The following CCDC171 variants were observed in gnomAD, a reference collection of about 807,000 sequenced individuals.
CCDC171 encodes coiled-coil domain containing 171.
CCDC171 carries 177 observed loss-of-function variants against 168.2 expected under a neutral mutation model. The ratio of observed to expected loss-of-function variants is 1.05; its 90% confidence interval spans 0.93 to 1.19. The LOEUF (loss-of-function observed/expected upper bound fraction) is 1.19. Among genes scored for constraint, CCDC171 ranks in the 50% most tolerant of loss-of-function variants. The pLI is 0.00. For synonymous variants in CCDC171, 687 were observed against 540.8 expected (o/e 1.27, Z -3.75); for missense variants, 1,991 against 1,539.0 (o/e 1.29, Z -4.91).
chr9:15,572,609 C>G (rs958320269), intron 3 of CCDC171, among the ~76,000 whole-genome samples: 2 of 152,130 alleles, frequency 1.3e-5, no homozygotes, highest in African/African-American at 4.8e-5. Context: ...GTTTTTCTTC[C>G]CTTTTTGCTA....
chr9:15,930,156 G>A (rs1049083080), intron 25 of CCDC171, among the ~76,000 whole-genome samples: 1 of 151,500 alleles, frequency 6.6e-6, no homozygotes, highest in Admixed American at 6.6e-5. Flanking sequence ...TAATGAGAAG[G>A]TCACTCATTT....
At chr9:15,771,707 G>A (rs563149895) in intron 18 of CCDC171, among the ~76,000 whole-genome samples, 1 of 152,166 alleles carries the variant, frequency 6.6e-6, no homozygotes, top group Admixed American at 6.5e-5. Context: ...CTTACCTCAA[G>A]GTAGTATTGC....
intron 7 of CCDC171, among the ~76,000 whole-genome samples, chr9:15,624,768 A>C (rs2044902182): frequency 6.6e-6 from 1 of 152,164 alleles, no homozygotes; most frequent in South Asian, 2.1e-4. Context: ...TGCTGCAGTA[A>C]ACATACGTGT....
intron 24 of CCDC171, among the ~76,000 whole-genome samples, chr9:15,905,894 C>A (rs895034908): frequency 1.3e-5 from 2 of 152,142 alleles, no homozygotes; most frequent in Non-Finnish European, 2.9e-5. Context: ...ACTATGAACA[C>A]CTCTACGCAA....
the CCDC171 span, among the ~76,000 whole-genome samples, chr9:16,092,580 A>G: frequency 6.6e-6 from 1 of 152,080 alleles, no homozygotes; most frequent in Non-Finnish European, 1.5e-5. Flanking sequence ...GCACTTTACA[A>G]CTAGCTTTCT....
chr9:15,880,433 T>C (rs982058004), intron 24 of CCDC171, among the ~76,000 whole-genome samples: 2 of 151,650 alleles, frequency 1.3e-5, no homozygotes, highest in Non-Finnish European at 2.9e-5. Context: ...CTAATGAACA[T>C]ATCTGTCACT....
the CCDC171 span, among the ~76,000 whole-genome samples, chr9:16,075,426 G>C: frequency 7.2e-5 from 11 of 152,108 alleles, no homozygotes; most frequent in Admixed American, 3.9e-4. Flanking sequence ...TTAAAATCTT[G>C]ATCTGTCTGT....
chr9:15,872,109 A>G (rs1301479025), intron 23 of CCDC171, among the ~76,000 whole-genome samples: 1 of 151,986 alleles, frequency 6.6e-6, no homozygotes, highest in Non-Finnish European at 1.5e-5. Flanking sequence ...TCTTGATGGC[A>G]CTGTCAAGTT....
At chr9:15,587,191 C>A (rs867631272) in intron 4 of CCDC171, among the ~76,000 whole-genome samples, 1 of 152,140 alleles carries the variant, frequency 6.6e-6, no homozygotes, top group African/African-American at 2.4e-5. Context: ...TTGGAGGACT[C>A]TTTTGTGTAT....
rs112850730 is a variant in CCDC171, at chr9:15,700,557, C to T, written c.1318+5220C>T. On this transcript the variant is annotated intron_variant, in intron 11 of 25. Coordinates refer to ENST00000380701, the MANE Select transcript of CCDC171 (RefSeq NM_173550.4). ...GTTCGAGCCCAGGCAGAGGAGGCGC[C>T]GAGAGCAAGCGAGGGCTGTGAGGAC... Among the ~76,000 whole-genome samples the T allele has an allele frequency of 1.7e-4, 26 of 152,364 alleles. 2 individuals carry two copies. The highest frequency in any genetic ancestry group is 5.8e-4 in the African/African-American group (24 of 41,594).
chr9:15,813,617 T>C (rs1048864940), intron 21 of CCDC171, among the ~76,000 whole-genome samples: 1 of 151,766 alleles, frequency 6.6e-6, no homozygotes, highest in Non-Finnish European at 1.5e-5. Context: ...TGTGTGTGTG[T>C]GTGTGTATAT....
At chr9:15,595,367 C>G (rs1004141072) in intron 6 of CCDC171, among the ~76,000 whole-genome samples, 5 of 152,108 alleles carry the variant, frequency 3.3e-5, no homozygotes, top group African/African-American at 1.2e-4. Flanking sequence ...TCTCACTGTT[C>G]AATTCCCACC....
intron 3 of CCDC171, among the ~76,000 whole-genome samples, chr9:15,574,186 C>G (rs183624436): frequency 5.3e-5 from 8 of 150,438 alleles, no homozygotes; most frequent in Non-Finnish European, 8.9e-5. Flanking sequence ...AGTCTGTTGT[C>G]CAGGCTGGAG....
At chr9:15,777,382 T>C (rs887443855) in intron 18 of CCDC171, among the ~76,000 whole-genome samples, 1 of 152,232 alleles carries the variant, frequency 6.6e-6, no homozygotes, top group African/African-American at 2.4e-5. Flanking sequence ...TGTAAATACA[T>C]GCAGATTTTT....
At chr9:15,903,835 C>G (rs1365786316) in intron 24 of CCDC171, among the ~76,000 whole-genome samples, 1 of 152,164 alleles carries the variant, frequency 6.6e-6, no homozygotes, top group African/African-American at 2.4e-5. Flanking sequence ...CCTTAATGGA[C>G]CTTATGGAGC....
chr9:15,619,364 C>A (rs567079794), intron 6 of CCDC171, among the ~76,000 whole-genome samples: 2 of 152,162 alleles, frequency 1.3e-5, no homozygotes, highest in Non-Finnish European at 2.9e-5. Context: ...ATTAAAAGTG[C>A]TACTTTAGTG....
chr9:15,637,128 C>T (rs975342712), intron 7 of CCDC171, among the ~76,000 whole-genome samples: 2 of 151,954 alleles, frequency 1.3e-5, no homozygotes, highest in African/African-American at 2.4e-5. Flanking sequence ...TGGTGGCGCT[C>T]GCCTGTAATC....
At chr9:15,819,475 A>C (rs2059683776) in intron 21 of CCDC171, among the ~76,000 whole-genome samples, 1 of 117,436 alleles carries the variant, frequency 8.5e-6, no homozygotes, top group Non-Finnish European at 1.9e-5. Context: ...CATAGACTCA[A>C]AATAAAGGGA....
At chr9:15,811,330 C>G (rs2059347339) in intron 21 of CCDC171, among the ~76,000 whole-genome samples, 2 of 152,186 alleles carry the variant, frequency 1.3e-5, no homozygotes, top group Admixed American at 6.5e-5. Flanking sequence ...GCATACCTCT[C>G]TGTTATTGGA....
Sources: gnomAD v4.1 joint callset for allele counts (sites outside exome capture counted in the v4.1 genomes callset) on GRCh38, gnomAD v4.1.1 for gene constraint, MANE v1.5 for transcripts, NCBI Gene and HGNC (gene_info 2026-07-23, HGNC 2026-07-21) for gene names.